Variants in PTPN13 observed in about 807,000 individuals in gnomAD.
The protein encoded by PTPN13 is protein tyrosine phosphatase non-receptor type 13, also known as tyrosine-protein phosphatase non-receptor type 13.
In PTPN13, 191 loss-of-function variants were observed where a neutral mutation model predicts 284.0. That is an observed-to-expected ratio of 0.67 (90% CI 0.60 to 0.76). The LOEUF is 0.76. Ranked by LOEUF, PTPN13 falls within the 30% of genes least tolerant of loss-of-function variation. The pLI is 0.00. For missense variants in PTPN13, 2,797 were observed against 2,939.9 expected (o/e 0.95, Z 1.12); for synonymous variants, 986 against 1,022.3 (o/e 0.96, Z 0.68).
rs1351700257 is a variant in PTPN13 at position 86,775,534 on chromosome 4, C to A, written c.5773C>A (p.Leu1925Ile). The part of the protein sequence containing the change: ...PRSVAAIEGN[L>I]QLLDVIHYVN... ...GTCCGTCGCAGCCATTGAGGGTAAT[C>A]TCCAGCTATTAGATGTCATCCATTA... Residue 1925 changes from leucine (L) to isoleucine (I), a missense_variant, in exon 35 of 48, where the codon CTC becomes ATC. Leu to Ile is a conservative substitution (Grantham distance 5, BLOSUM62 2). Coordinates refer to ENST00000411767, the MANE Select transcript of PTPN13 (RefSeq NM_080683.3). The A allele has an allele frequency of 6.2e-7, 1 of 1,613,228 alleles. No homozygotes were observed. Among genetic ancestry groups the A allele is most frequent in the African/African-American group, 1.3e-5 (1 of 74,904 alleles).
At chr4:86,806,341 T>G (rs1009491983) in intron 44 of PTPN13, among the ~76,000 whole-genome samples, 1 of 152,010 alleles carries the variant, frequency 6.6e-6, no homozygotes, top group Admixed American at 6.6e-5. Context: ...GATTATAACA[T>G]ATGACACACT....
intron 27 of PTPN13, among the ~76,000 whole-genome samples, chr4:86,766,922 T>G (rs1739392012): frequency 6.6e-6 from 1 of 151,916 alleles, no homozygotes; most frequent in South Asian, 2.1e-4. Context: ...TCTTTGGAGG[T>G]TTTTGTTGTT....
chr4:86,668,506 G>A (rs558005029), intron 2 of PTPN13, among the ~76,000 whole-genome samples: 1 of 152,268 alleles, frequency 6.6e-6, no homozygotes, highest in African/African-American at 2.4e-5. Flanking sequence ...CAGCAATGTA[G>A]TTTGTTGTCA....
intron 1 of PTPN13, among the ~76,000 whole-genome samples, chr4:86,615,466 AC>A (rs1444060855): frequency 6.6e-6 from 1 of 152,100 alleles, no homozygotes; most frequent in African/African-American, 2.4e-5. Context: ...CTGTCTGTCA[AC>A]CCTGAAAGTT....
At chr4:86,753,088 C>T in intron 20 of PTPN13, 23 bp downstream of exon 20, 1 of 1,568,514 alleles carries the variant, frequency 6.4e-7, no homozygotes. Context: ...AATGTTTTTC[C>T]CCTCATTTCC....
chr4:86,750,474 A>C lies in PTPN13; in HGVS notation c.2655A>C (p.Arg885Ser). The C allele has an allele frequency of 6.2e-7, 1 of 1,610,986 alleles. No homozygotes were observed. Among genetic ancestry groups the C allele is most frequent in the South Asian group, 1.1e-5 (1 of 90,458 alleles). Residue 885 changes from arginine (R) to serine (S), a missense_variant, in exon 18 of 48, where the codon AGA (arginine) becomes AGC (serine). By Grantham distance (110) the Arg-to-Ser change is moderately radical. Transcript: ENST00000411767. ...QSNQDAQDIE[R>S]ASFRSLNLQA... ...AGCAATCCTATTTCCTTGTAGAGAGAGCTTCGTTTAGGAGCCTGAATCTCC... is the reference window on the plus strand; with the variant it reads ...AGCAATCCTATTTCCTTGTAGAGAGCGCTTCGTTTAGGAGCCTGAATCTCC...
chr4:86,649,326 C>T (rs901201376), intron 2 of PTPN13, among the ~76,000 whole-genome samples: 1 of 152,102 alleles, frequency 6.6e-6, no homozygotes, highest in Non-Finnish European at 1.5e-5. Context: ...AGGGTTTTTC[C>T]CCAATGTTTT....
chr4:86,603,366 C>T (rs554341839), intron 1 of PTPN13, among the ~76,000 whole-genome samples: 17 of 152,282 alleles, frequency 1.1e-4, no homozygotes, highest in African/African-American at 4.1e-4. Context: ...TGTTCACAGT[C>T]TCACACAGAA....
intron 6 of PTPN13, among the ~76,000 whole-genome samples, chr4:86,696,579 A>G (rs1398964129): frequency 6.6e-6 from 1 of 151,956 alleles, no homozygotes; most frequent in Non-Finnish European, 1.5e-5. Flanking sequence ...ATTTAGTATT[A>G]TTGTCTAATA....
At chr4:86,673,679 T>TAACTATGGGAGAA (rs1727958698) in intron 3 of PTPN13, among the ~76,000 whole-genome samples, 1 of 152,180 alleles carries the variant, frequency 6.6e-6, no homozygotes, top group African/African-American at 2.4e-5. Context: ...AGAAGGAAGA[T>TAACTATGGGAGAA]TTTGTGAGTC....
At chr4:86,780,745 T>A (rs920117172) in intron 36 of PTPN13, among the ~76,000 whole-genome samples, 1 of 152,194 alleles carries the variant, frequency 6.6e-6, no homozygotes, top group African/African-American at 2.4e-5. Context: ...AAACTGGTTG[T>A]AATATATCCA....
intron 1 of PTPN13, among the ~76,000 whole-genome samples, chr4:86,628,157 C>T (rs1722043560): frequency 6.6e-6 from 1 of 152,054 alleles, no homozygotes; most frequent in South Asian, 2.1e-4. Flanking sequence ...CAAAGTGTGC[C>T]ATTTTACATT....
intron 40 of PTPN13, among the ~76,000 whole-genome samples, chr4:86,795,849 T>G (rs997386047): frequency 6.6e-6 from 1 of 152,048 alleles, no homozygotes. Flanking sequence ...TGAGAACACA[T>G]GGACACAGGG....
In PTPN13 at chr4:86,753,052, C is replaced by T; in HGVS notation, c.3210C>T (p.Pro1070=). ...HSSGNSSSQV[P]LKENDVLHKR... is the part of the protein sequence containing the mutation. ...CTGGAAACTCTTCATCCCAAGTACC[C>T]TTAAAAGAAAATGGTAGGTTTACAA... The change falls in exon 20 of 48, where the codon CCC becomes CCT. Residue 1070 remains proline, a synonymous_variant. Transcript: ENST00000411767. The T allele has an allele frequency of 6.2e-7, 1 of 1,606,316 alleles. No homozygotes were observed. Among genetic ancestry groups the T allele is most frequent in the Non-Finnish European group, 8.5e-7 (1 of 1,174,410 alleles).
rs377721588 is a variant in PTPN13, at chr4:86,758,964, T to C, written c.3444T>C (p.Asn1148=). Residue 1148 remains asparagine (N), a synonymous_variant, in exon 23 of 48, where the codon AAT becomes AAC. Transcript: ENST00000411767. ...LKPGDRLISV[N]SVSLEGVSHH... ...CAGGAGACCGTTTGATATCTGTGAA[T>C]AGTGTGAGTCTGGAGGGAGTCAGCC... 272 of 1,613,678 alleles carry C rather than the reference T, an allele frequency of 1.7e-4. No individual in the cohort carries two copies. The highest frequency in any genetic ancestry group is 6.6e-4 in the Middle Eastern group (4 of 6,054).
intron 1 of PTPN13, among the ~76,000 whole-genome samples, chr4:86,609,594 A>G (rs908056091): frequency 6.6e-6 from 1 of 152,220 alleles, no homozygotes; most frequent in African/African-American, 2.4e-5. Context: ...TTATACAAAT[A>G]AAGTATTCAT....
intron 27 of PTPN13, among the ~76,000 whole-genome samples, chr4:86,767,101 C>G (rs1421251477): frequency 6.6e-6 from 1 of 151,576 alleles, no homozygotes; most frequent in Non-Finnish European, 1.5e-5. Flanking sequence ...TTTTTTATTT[C>G]TTGTAGAGAT....
chr4:86,646,872 T>C (rs758504254), intron 2 of PTPN13, among the ~76,000 whole-genome samples: 8 of 152,336 alleles, frequency 5.3e-5, no homozygotes, highest in African/African-American at 1.4e-4. Context: ...AATGAAACGC[T>C]ACACATCAAT....
intron 1 of PTPN13, among the ~76,000 whole-genome samples, chr4:86,617,322 TAGG>T (rs1196842623): frequency 6.6e-6 from 1 of 152,206 alleles, no homozygotes; most frequent in Admixed American, 6.5e-5. Flanking sequence ...GTCCTCGACT[TAGG>T]AGGGTTCAAC....
Sources: gnomAD v4.1 joint callset for allele counts (sites outside exome capture counted in the v4.1 genomes callset) on GRCh38, gnomAD v4.1.1 for gene constraint, MANE v1.5 for transcripts, NCBI Gene and HGNC (gene_info 2026-07-23, HGNC 2026-07-21) for gene names.